The following WWOX variants were observed in gnomAD, a reference collection of about 807,000 sequenced individuals.
WWOX encodes WW domain-containing oxidoreductase.
Under a neutral mutation model 46.2 loss-of-function variants are expected in WWOX, and 69 were observed. The ratio of observed to expected loss-of-function variants is 1.49; its 90% CI spans 1.23 to 1.82. WWOX has a LOEUF of 1.82. Among genes scored for constraint, WWOX ranks in the 40% most tolerant of loss-of-function variants. The pLI is 0.00. For missense variants in WWOX, 919 were observed against 542.6 expected (o/e 1.69, Z -6.89); for synonymous variants, 359 against 202.6 (o/e 1.77, Z -6.56).
intron 8 of WWOX, among the ~76,000 whole-genome samples, chr16:78,502,537 A>T (rs1488749301): frequency 6.6e-6 from 1 of 152,228 alleles, no homozygotes; most frequent in Non-Finnish European, 1.5e-5. Flanking sequence ...TTTGTGGCTA[A>T]GTAATACGCC....
At chr16:78,870,542 A>G (rs192156984) in intron 8 of WWOX, among the ~76,000 whole-genome samples, 9 of 151,870 alleles carry the variant, frequency 5.9e-5, no homozygotes, top group Non-Finnish European at 1.3e-4. Flanking sequence ...TCTTTTAAAT[A>G]TGTAATTCTT....
At chr16:78,816,663 TGTA>T (rs1291226469) in intron 8 of WWOX, among the ~76,000 whole-genome samples, 1 of 152,014 alleles carries the variant, frequency 6.6e-6, no homozygotes, top group African/African-American at 2.4e-5. Flanking sequence ...ACAACCAAAT[TGTA>T]GTACAATGTT....
At chr16:78,563,867 T>A (rs1416352646) in intron 8 of WWOX, among the ~76,000 whole-genome samples, 1 of 151,430 alleles carries the variant, frequency 6.6e-6, no homozygotes, top group Admixed American at 6.6e-5. Context: ...AAAGGTGAAG[T>A]TCGTTTGTCC....
At chr16:78,127,532 A>T (rs1339349683) in intron 4 of WWOX, among the ~76,000 whole-genome samples, 1 of 139,482 alleles carries the variant, frequency 7.2e-6, no homozygotes, top group African/African-American at 2.7e-5. Flanking sequence ...AAAAAAAACC[A>T]CCGAGACGAG....
At chr16:78,556,260 C>CT (rs1330746869) in intron 8 of WWOX, among the ~76,000 whole-genome samples, 1 of 143,126 alleles carries the variant, frequency 7.0e-6, no homozygotes, top group East Asian at 2.0e-4. Flanking sequence ...CCCTCCTCCT[C>CT]TAAAAAAAAA....
At chr16:79,199,056 G>A (rs1054553378) in intron 8 of WWOX, among the ~76,000 whole-genome samples, 2 of 152,062 alleles carry the variant, frequency 1.3e-5, no homozygotes, top group African/African-American at 4.8e-5. Flanking sequence ...TCAGTCCCCG[G>A]TGTTTTTATT....
At chr16:78,868,659 A>C (rs962109171) in intron 8 of WWOX, among the ~76,000 whole-genome samples, 2 of 152,178 alleles carry the variant, frequency 1.3e-5, no homozygotes, top group African/African-American at 4.8e-5. Context: ...CTATCTGTCC[A>C]ACAGTTTAGC....
At chr16:79,192,370 A>T (rs1006376397) in intron 8 of WWOX, among the ~76,000 whole-genome samples, 3 of 152,092 alleles carry the variant, frequency 2.0e-5, no homozygotes, top group African/African-American at 7.2e-5. Context: ...CACTCATCAC[A>T]TGGCAACTCA....
At chr16:79,146,727 C>G (rs1186555045) in intron 8 of WWOX, among the ~76,000 whole-genome samples, 2 of 152,110 alleles carry the variant, frequency 1.3e-5, no homozygotes, top group Non-Finnish European at 2.9e-5. Context: ...ATTAGGTGGT[C>G]AGAAAGGTGT....
chr16:79,101,508 C>G (rs915612191), intron 8 of WWOX: 1 of 152,142 alleles, frequency 6.6e-6, no homozygotes, highest in African/African-American at 2.4e-5. Flanking sequence ...ATTCCCATAT[C>G]CCAGCCTAAG....
chr16:79,125,321 C>G (rs1431990183), intron 8 of WWOX, among the ~76,000 whole-genome samples: 5 of 152,158 alleles, frequency 3.3e-5, no homozygotes, highest in Non-Finnish European at 7.3e-5. Flanking sequence ...TTCAAACACC[C>G]TGAGAACATT....
chr16:79,161,763 C>T (rs189983566), intron 8 of WWOX, among the ~76,000 whole-genome samples: 248 of 152,348 alleles, frequency 1.6e-3, no homozygotes, highest in Admixed American at 3.4e-3. Context: ...AAGCAATCCA[C>T]CCGCCTTGGC....
chr16:79,099,608 G>C (rs1049903510), intron 8 of WWOX, among the ~76,000 whole-genome samples: 1 of 151,992 alleles, frequency 6.6e-6, no homozygotes, highest in Non-Finnish European at 1.5e-5. Flanking sequence ...GAGAGAGAGA[G>C]AGAGAGAGAG....
intron 8 of WWOX, among the ~76,000 whole-genome samples, chr16:78,747,497 C>T (rs1281760461): frequency 1.3e-5 from 2 of 152,090 alleles, no homozygotes; most frequent in Admixed American, 6.6e-5. Flanking sequence ...TTAGCATCTC[C>T]CAACAACCCT....
At chr16:78,778,617 T>G (rs1007238564) in intron 8 of WWOX, among the ~76,000 whole-genome samples, 5 of 152,202 alleles carry the variant, frequency 3.3e-5, no homozygotes, top group Admixed American at 3.3e-4. Flanking sequence ...AGAGTCATTT[T>G]ATCTTACAGC....
intron 8 of WWOX, among the ~76,000 whole-genome samples, chr16:78,838,966 A>G (rs912610686): frequency 1.3e-5 from 2 of 152,182 alleles, no homozygotes; most frequent in African/African-American, 4.8e-5. Context: ...ATCCTGGTAT[A>G]GATGGAAATG....
intron 8 of WWOX, chr16:78,897,940 C>A (rs1331870891): frequency 6.6e-6 from 1 of 152,042 alleles, no homozygotes; most frequent in African/African-American, 2.4e-5. Context: ...TTTATGAACT[C>A]ATTGGCCGTT....
At chr16:78,540,030 AC>A (rs1429444191) in intron 8 of WWOX, among the ~76,000 whole-genome samples, 14 of 150,064 alleles carry the variant, frequency 9.3e-5, no homozygotes, top group East Asian at 7.8e-4. Context: ...TCACACACAC[AC>A]ACACACACAC....
intron 8 of WWOX, chr16:79,016,425 C>G (rs1161613856): frequency 6.6e-6 from 1 of 152,110 alleles, no homozygotes; most frequent in East Asian, 1.9e-4. Context: ...TTTTCCTTTT[C>G]TTTTTCTTTT....
Sources: allele counts gnomAD v4.1 joint callset (sites outside exome capture counted in the v4.1 genomes callset), GRCh38; gene constraint gnomAD v4.1.1; transcripts MANE v1.5; gene names NCBI Gene and HGNC (gene_info 2026-07-23, HGNC 2026-07-21).